Variants in APAF1 observed in about 807,000 individuals in gnomAD.
The protein encoded by APAF1 is apoptotic protease-activating factor 1.
A neutral mutation model predicts 152.4 loss-of-function variants in APAF1; 91 were observed. The ratio of observed to expected loss-of-function variants is 0.60; its 90% confidence interval spans 0.50 to 0.71. APAF1 has a LOEUF of 0.71. APAF1 is among the 30% of genes least tolerant of loss of function. The pLI is 0.00. For missense variants in APAF1, 1,283 were observed against 1,472.0 expected (o/e 0.87, Z 2.10); for synonymous variants, 484 against 494.1 (o/e 0.98, Z 0.27).
At chr12:98,648,069 C>A (rs1277071808) in intron 1 of APAF1, among the ~76,000 whole-genome samples, 1 of 152,050 alleles carries the variant, frequency 6.6e-6, no homozygotes, top group Non-Finnish European at 1.5e-5. Context: ...AGAGAGAAAG[C>A]TTATTTTAAA....
At chr12:98,690,568 T>G (rs1349109636) in intron 16 of APAF1, among the ~76,000 whole-genome samples, 1 of 152,228 alleles carries the variant, frequency 6.6e-6, no homozygotes, top group Non-Finnish European at 1.5e-5. Context: ...GACTGCATTA[T>G]CCTTAGCATG....
intron 21 of APAF1, among the ~76,000 whole-genome samples, chr12:98,713,839 G>T (rs1164086066): frequency 6.6e-6 from 1 of 152,152 alleles, no homozygotes; most frequent in Non-Finnish European, 1.5e-5. Context: ...ACAGAGAAGA[G>T]ACTATATGCT....
Position 98,731,586 on chromosome 12 carries a change from C to T in APAF1, c.3601-834C>T, listed in dbSNP as rs138571218. On this transcript the variant is annotated intron_variant, in intron 26 of 26. Coordinates refer to ENST00000551964, the MANE Select transcript of APAF1 (RefSeq NM_181861.2). The stretch of plus-strand genomic sequence containing the variant: ...CTATTACTAATAGTGAACATGCTTA[C>T]TTGACCCACTCACATGGGAAAGACA... Among the ~76,000 whole-genome samples the T allele has an allele frequency of 3.1e-3, 476 of 152,328 alleles. 4 individuals carry two copies. Among genetic ancestry groups the T allele is most frequent in the African/African-American group, 0.011 (456 of 41,566 alleles).
At chr12:98,665,826 T>G in intron 8 of APAF1, 35 bp downstream of exon 8, 1 of 1,496,078 alleles carries the variant, frequency 6.7e-7, no homozygotes, top group Non-Finnish European at 9.3e-7. Context: ...ATTGGGTATT[T>G]ATTGCATGTA....
chr12:98,689,604 C>T (rs866647760), intron 16 of APAF1, among the ~76,000 whole-genome samples: 13 of 151,994 alleles, frequency 8.6e-5, no homozygotes, highest in African/African-American at 1.2e-4. Flanking sequence ...GGACTTCAGG[C>T]GTGTGTGACA....
At chr12:98,706,064 G>A (rs971535828) in intron 18 of APAF1, among the ~76,000 whole-genome samples, 4 of 152,008 alleles carry the variant, frequency 2.6e-5, no homozygotes, top group African/African-American at 9.7e-5. Flanking sequence ...ATCCATACCT[G>A]TATCCTTCTA....
At chr12:98,725,644 A>G in intron 25 of APAF1, 104 bp downstream of exon 25, 1 of 1,523,164 alleles carries the variant, frequency 6.6e-7, no homozygotes, top group Non-Finnish European at 9.1e-7. Context: ...ATAGTCCTGA[A>G]GTTGTGGTTG....
At chr12:98,722,607 C>T (rs1377562364) in intron 22 of APAF1, among the ~76,000 whole-genome samples, 1 of 152,104 alleles carries the variant, frequency 6.6e-6, no homozygotes, top group Non-Finnish European at 1.5e-5. Context: ...TTTCATTCCC[C>T]CCACCCCTTT....
chr12:98,662,780 C>T lies in APAF1; in HGVS notation c.929C>T (p.Ala310Val). 1 of 1,610,322 alleles carries T rather than the reference C, an allele frequency of 6.2e-7. No homozygotes were observed. Among genetic ancestry groups the T allele is most frequent in the African/African-American group, 1.3e-5 (1 of 74,880 alleles). Residue 310 changes from alanine to valine, a missense_variant, in exon 7 of 27, where the codon GCT (alanine) becomes GTT (valine). Physicochemically the swap from Ala to Val is moderately conservative, Grantham distance 64. Coordinates refer to ENST00000551964, the MANE Select transcript of APAF1 (RefSeq NM_181861.2). ...AAGAAGGCAGATTTGCCAGAACAAG[C>T]TCATAGTATTATAAAAGAATGTAAA... is the stretch of plus-strand genomic sequence containing the variant. ...NMKKADLPEQAHSIIKECKGS... is the reference protein window; with the variant it reads ...NMKKADLPEQVHSIIKECKGS...
chr12:98,689,158 A>G (rs2097701303), intron 16 of APAF1, among the ~76,000 whole-genome samples: 1 of 152,144 alleles, frequency 6.6e-6, no homozygotes, highest in South Asian at 2.1e-4. Context: ...TATAAACTGT[A>G]GGAAACGCAG....
intron 12 of APAF1, among the ~76,000 whole-genome samples, chr12:98,676,767 C>A (rs2097687024): frequency 6.6e-6 from 1 of 152,062 alleles, no homozygotes; most frequent in Non-Finnish European, 1.5e-5. Flanking sequence ...CTGCCTCAGC[C>A]TCCCAAGTAG....
rs1257198420 is a variant in APAF1 at position 98,649,330 on chromosome 12, A to G, written c.329-157A>G. ...GTCTTTGCTCTCTGTTGTCTGAGAA[A>G]TCAGAAAATTGAAGTTAATATGCTA... On this transcript the variant is annotated intron_variant, in intron 3 of 26. Coordinates refer to ENST00000551964, the MANE Select transcript of APAF1 (RefSeq NM_181861.2). 3 of 823,818 alleles carry G rather than the reference A, an allele frequency of 3.6e-6. No homozygotes were observed. In the African/African-American group the frequency reaches 5.5e-5, roughly 15 times the overall value. The allele number at this position is 823,818 out of a possible 1,614,324, so 51.0% of individuals were successfully genotyped here. A position where few individuals can be genotyped will look rare whatever the true frequency, so the allele number is the denominator to read the frequency against.
chr12:98,655,909 G>A (rs150070471), intron 4 of APAF1, among the ~76,000 whole-genome samples: 1,783 of 151,898 alleles, frequency 0.012, 21 homozygotes, highest in African/African-American at 0.023. Flanking sequence ...CCAGCCTCCC[G>A]AGTAGCTGGG....
At chr12:98,648,595 G>T in intron 2 of APAF1, 31 bp from the exon 3 acceptor site, 1 of 1,611,282 alleles carries the variant, frequency 6.2e-7, no homozygotes, top group Non-Finnish European at 8.5e-7. Flanking sequence ...CATATTCATT[G>T]TTGTATACTA....
intron 15 of APAF1, among the ~76,000 whole-genome samples, 169 bp downstream of exon 15, chr12:98,683,443 G>A (rs977597516): frequency 2.0e-5 from 3 of 152,078 alleles, no homozygotes; most frequent in Non-Finnish European, 4.4e-5. Context: ...TATTTTATTG[G>A]CTCATGTAAC....
At chr12:98,693,281 A>T (rs1165450622) in intron 16 of APAF1, among the ~76,000 whole-genome samples, 1 of 152,022 alleles carries the variant, frequency 6.6e-6, no homozygotes, top group African/African-American at 2.4e-5. Flanking sequence ...TTAAATAGAA[A>T]AAAGGTCTTA....
At chr12:98,712,683 A>AT (rs1006496939) in intron 21 of APAF1, 21,627 of 336,532 alleles carry the variant, frequency 0.064, no homozygotes, top group South Asian at 0.1. Flanking sequence ...TGCCCGACTA[A>AT]TTTTTTTTTT....
At chr12:98,714,578 T>C (rs115729180) in intron 21 of APAF1, among the ~76,000 whole-genome samples, 113 of 152,352 alleles carry the variant, frequency 7.4e-4, no homozygotes, top group African/African-American at 2.5e-3. Flanking sequence ...TGTGCTCAAC[T>C]GTTATGCTAT....
Position 98,708,688 on chromosome 12 carries a change from A to G in APAF1, c.2825A>G (p.His942Arg). 1 of 1,613,676 alleles carries G rather than the reference A, an allele frequency of 6.2e-7. No individual in the cohort carries two copies. The highest frequency in any genetic ancestry group is 8.5e-7 in the Non-Finnish European group (1 of 1,179,846). The change falls in exon 20 of 27, where the codon CAT (histidine) becomes CGT (arginine). Residue 942 changes from histidine (H) to arginine (R), a missense_variant. Transcript: ENST00000551964. ...ENEVMVLAVD[H>R]IRRLQLINGR... ...GAAGTGATGGTCCTTGCAGTTGACC[A>G]TATAAGACGTCTGCAAGTGAGTATT...
Sources: allele counts gnomAD v4.1 joint callset (sites outside exome capture counted in the v4.1 genomes callset), GRCh38; gene constraint gnomAD v4.1.1; transcripts MANE v1.5; gene names NCBI Gene and HGNC (gene_info 2026-07-23, HGNC 2026-07-21).